Variants in BTD observed in about 807,000 individuals in gnomAD.
BTD encodes biocytinase.
A neutral mutation model predicts 17.7 loss-of-function variants in BTD; 13 were observed. That is an observed-to-expected ratio of 0.74 (90% CI 0.48 to 1.17). The LOEUF is 1.17. Among genes scored for constraint, BTD ranks in the 50% most tolerant of loss-of-function variants. BTD has a pLI of 0.00. For missense variants in BTD, 674 were observed against 650.4 expected, an observed-to-expected ratio of 1.04 and a Z score of -0.39; for synonymous variants, 240 against 245.2, an observed-to-expected ratio of 0.98 and a Z score of 0.20.
intron 1 of BTD, among the ~76,000 whole-genome samples, chr3:15,616,461 C>T (rs567250481): frequency 1.3e-5 from 2 of 152,054 alleles, no homozygotes; most frequent in South Asian, 2.1e-4. Flanking sequence ...ACTAAAAATA[C>T]AAAAATTAGC....
intron 3 of BTD, chr3:15,685,000 C>T: frequency 1.8e-6 from 1 of 543,618 alleles, no homozygotes; most frequent in South Asian, 2.3e-5. Context: ...CTCAAAAATA[C>T]TTCATGGCTT....
chr3:15,619,284 C>T lies in BTD; in HGVS notation c.-16-16140C>T, dbSNP rs372716276. 7.9e-5 allele frequency among the ~76,000 whole-genome samples: 12 copies of T among 152,144 alleles called. 2 individuals carry two copies. In the East Asian group the frequency reaches 1.2e-3, roughly 15 times the overall value. On this transcript the variant is annotated intron_variant, in intron 1 of 3. Coordinates refer to ENST00000643237, the MANE Select transcript of BTD (RefSeq NM_001370658.1). ...TACTTCGTCAAATACATCTATTTGA[C>T]ATCTATTTTTCTGTGTCTATTGATA...
chr3:15,720,812 T>G, intron 4 of BTD: 1 of 1,022,522 alleles, frequency 9.8e-7, no homozygotes, highest in Non-Finnish European at 1.4e-6. Flanking sequence ...TCCATGTTCT[T>G]GAGTTTATCA....
intron 3 of BTD, chr3:15,669,443 G>C (rs1006415814): frequency 1.3e-5 from 2 of 152,032 alleles, no homozygotes; most frequent in African/African-American, 4.8e-5. Context: ...AACAAAAATA[G>C]TACTATTTTA....
chr3:15,601,554 C>G (rs901012098), upstream of BTD: 26 of 1,603,884 alleles, frequency 1.6e-5, no homozygotes, highest in African/African-American at 2.7e-4. Flanking sequence ...CACGCCACCT[C>G]TGGTACTGCA....
chr3:15,615,117 G>A (rs1282558711), intron 1 of BTD, among the ~76,000 whole-genome samples: 1 of 152,076 alleles, frequency 6.6e-6, no homozygotes, highest in Admixed American at 6.6e-5. Flanking sequence ...TTCAACCCAG[G>A]ACACTCAGTC....
downstream of BTD, among the ~76,000 whole-genome samples, chr3:15,715,966 T>C (rs1176500933): frequency 1.3e-5 from 2 of 152,000 alleles, no homozygotes; most frequent in Non-Finnish European, 1.5e-5. Context: ...TTAATGTTAA[T>C]ATTTTAGCTA....
At chr3:15,709,800 T>C in intron 3 of BTD, 1 of 1,065,228 alleles carries the variant, frequency 9.4e-7, no homozygotes, top group South Asian at 1.6e-5. Context: ...AATTGGTAGG[T>C]TTAAAGAAGC....
intron 3 of BTD, among the ~76,000 whole-genome samples, chr3:15,671,319 G>C (rs1025917875): frequency 6.6e-6 from 1 of 152,164 alleles, no homozygotes; most frequent in African/African-American, 2.4e-5. Flanking sequence ...TCAGTCTTGA[G>C]GACGGAGCGG....
In BTD at chr3:15,645,008, C is replaced by T. The variant is rs753278397; in HGVS notation, c.1092C>T (p.Thr364=). ...AGGAAGTCCACTGTGATGAGGCCAC[C>T]AAGTGGAACGTGAATGCTCCTCCCA... ...DAQEVHCDEA[T]KWNVNAPPTF... The change falls in exon 4 of 4, where the codon ACC becomes ACT. Residue 364 remains threonine, a synonymous_variant. Transcript: ENST00000643237. The T allele has an allele frequency of 2.5e-6, 4 of 1,614,150 alleles. No homozygotes were observed. The highest frequency in any genetic ancestry group is 3.3e-5 in the Admixed American group (2 of 60,022).
intron 3 of BTD, among the ~76,000 whole-genome samples, chr3:15,671,837 G>A (rs969642608): frequency 5.3e-5 from 8 of 151,472 alleles, no homozygotes; most frequent in African/African-American, 9.7e-5. Context: ...TGCCTGCCTC[G>A]GCCTCCCAAA....
chr3:15,709,087 CAAT>C (rs1244546922), intron 3 of BTD, among the ~76,000 whole-genome samples: 1 of 152,176 alleles, frequency 6.6e-6, no homozygotes, highest in Non-Finnish European at 1.5e-5. Flanking sequence ...AAATACTCAA[CAAT>C]GAGGCCTGCT....
At chr3:15,655,948 T>C (rs1355053540), downstream of BTD, among the ~76,000 whole-genome samples, 2 of 151,988 alleles carry the variant, frequency 1.3e-5, no homozygotes, top group Non-Finnish European at 2.9e-5. Context: ...GATTACAGGC[T>C]CCTGCCACCA....
intron 3 of BTD, among the ~76,000 whole-genome samples, chr3:15,663,325 T>C (rs892386262): frequency 2.6e-5 from 4 of 152,220 alleles, no homozygotes; most frequent in African/African-American, 7.2e-5. Context: ...GGTTTTGAAA[T>C]TGAGGTAATG....
At chr3:15,602,408 C>G (rs2064293432) in intron 1 of BTD, 5 of 813,906 alleles carry the variant, frequency 6.1e-6, no homozygotes, top group Non-Finnish European at 7.5e-6. Flanking sequence ...TTTCATAATT[C>G]TTAGGTTGGG....
Position 15,644,786 on chromosome 3 carries a change from A to T in BTD, c.870A>T (p.Gly290=). ...ACCACCCAGTTCTGGGGATGACAGG[A>T]AGTGGCATACACACCCCTCTGGAGT... ...NVHHPVLGMT[G]SGIHTPLESF... is the part of the protein sequence containing the mutation. Residue 290 remains glycine (G), a synonymous_variant, in exon 4 of 4, where the codon GGA becomes GGT. Coordinates refer to ENST00000643237, the MANE Select transcript of BTD (RefSeq NM_001370658.1). The T allele has an allele frequency of 1.9e-6, 3 of 1,614,166 alleles. No homozygotes were observed. The South Asian group carries it at 3.3e-5, about 18-fold the overall frequency.
At position 15,667,270 on chromosome 3, in the gene BTD, G is replaced by A. The variant is rs1432336734; in HGVS notation, c.399+25213G>A. 2.0e-5 allele frequency: 3 copies of A among 152,154 alleles called. No individual in the cohort carries two copies. In the East Asian group the frequency reaches 5.8e-4, roughly 29 times the overall value. 9.4% of individuals were successfully genotyped at this position (152,154 alleles called of 1,614,324 possible). On this transcript the variant is annotated intron_variant, in intron 3 of 3. Transcript: ENST00000672141. ...TTAAAAAACTTTATTTCTTTTAAAAGGTCCAATATAAGCCAAATTAACCCC... is the reference window on the plus strand; with the variant it reads ...TTAAAAAACTTTATTTCTTTTAAAAAGTCCAATATAAGCCAAATTAACCCC...
intron 1 of BTD, among the ~76,000 whole-genome samples, chr3:15,609,215 G>A (rs989585366): frequency 6.6e-6 from 1 of 152,088 alleles, no homozygotes; most frequent in Admixed American, 6.5e-5. Flanking sequence ...ACATGAATAG[G>A]ATCAGAGATT....
chr3:15,707,272 G>C (rs1042367039), intron 3 of BTD, among the ~76,000 whole-genome samples: 1 of 151,912 alleles, frequency 6.6e-6, no homozygotes, highest in African/African-American at 2.4e-5. Context: ...AAAAAAATAT[G>C]TATCAAGGTA....
Sources: gnomAD v4.1 joint callset for allele counts (sites outside exome capture counted in the v4.1 genomes callset) on GRCh38, gnomAD v4.1.1 for gene constraint, MANE v1.5 for transcripts, NCBI Gene and HGNC (gene_info 2026-07-23, HGNC 2026-07-21) for gene names.